Variants in MED13L observed in about 807,000 individuals in gnomAD.
The protein encoded by MED13L is mediator complex subunit 13L.
A neutral mutation model predicts 220.9 loss-of-function variants in MED13L; 7 were observed. That is an observed-to-expected ratio of 0.03 (90% confidence interval 0.02 to 0.06). MED13L has a LOEUF of 0.06. Among genes scored for constraint, MED13L ranks in the 10% least tolerant of loss-of-function variants. The pLI is 1.00. For missense variants in MED13L, 1,965 were observed against 2,760.5 expected (o/e 0.71, Z 6.46); for synonymous variants, 1,011 against 1,015.2 (o/e 1.00, Z 0.08).
intron 2 of MED13L, among the ~76,000 whole-genome samples, chr12:116,184,426 A>C (rs1339747593): frequency 6.6e-6 from 1 of 152,204 alleles, no homozygotes; most frequent in Non-Finnish European, 1.5e-5. Flanking sequence ...TGTTTAGCTA[A>C]GTGGCAACTA....
At chr12:116,157,958 G>A (rs1255729148) in intron 2 of MED13L, among the ~76,000 whole-genome samples, 3 of 152,190 alleles carry the variant, frequency 2.0e-5, no homozygotes, top group Non-Finnish European at 4.4e-5. Context: ...GGTGAGACCT[G>A]GCAGGATCAG....
chr12:116,075,392 C>T (rs573768208), intron 4 of MED13L, among the ~76,000 whole-genome samples: 94 of 152,292 alleles, frequency 6.2e-4, no homozygotes, highest in African/African-American at 2.1e-3. Context: ...TTTGCATAAA[C>T]GTCCTGCCCT....
intron 17 of MED13L, among the ~76,000 whole-genome samples, chr12:115,987,982 A>G (rs1484912802): frequency 6.6e-6 from 1 of 152,190 alleles, no homozygotes; most frequent in African/African-American, 2.4e-5. Context: ...ACGCTTGGAC[A>G]TACGTATTTT....
At chr12:116,105,323 T>C (rs1371382245) in intron 3 of MED13L, among the ~76,000 whole-genome samples, 3 of 152,190 alleles carry the variant, frequency 2.0e-5, no homozygotes, top group Middle Eastern at 3.4e-3. Context: ...GGAGGAAGGA[T>C]GGAAAGAAGT....
intron 4 of MED13L, among the ~76,000 whole-genome samples, chr12:116,071,027 CTAT>C (rs1870327428): frequency 1.3e-5 from 2 of 152,040 alleles, no homozygotes; most frequent in South Asian, 4.1e-4. Flanking sequence ...ATAAAATTTA[CTAT>C]TATTTTCAAA....
At chr12:116,237,343 A>G in intron 2 of MED13L, 125 bp downstream of exon 2, 5 of 801,316 alleles carry the variant, frequency 6.2e-6, no homozygotes, top group Non-Finnish European at 1.0e-5. Context: ...GTTCCTTTTG[A>G]GAGAGACATC....
chr12:116,270,924 C>A lies in MED13L; in HGVS notation c.72+6136G>T, dbSNP rs377542493. ...GGGCATAGTGGCGCGCGCCTGTAGT[C>A]CCAGCTACTCGGGAGGCTGAGGCAG... On this transcript the variant is annotated intron_variant, in intron 1 of 30. Transcript: ENST00000281928. Among the ~76,000 whole-genome samples, 2 of 151,174 alleles carry A rather than the reference C, an allele frequency of 1.3e-5. 1 individual carries two copies. The highest frequency in any genetic ancestry group is 4.2e-4 in the South Asian group (2 of 4,774).
At chr12:116,265,826 A>G (rs1269483683) in intron 1 of MED13L, among the ~76,000 whole-genome samples, 1 of 152,204 alleles carries the variant, frequency 6.6e-6, no homozygotes, top group African/African-American at 2.4e-5. Context: ...AAGATCCTCA[A>G]GAATAAAGAC....
At chr12:116,077,265 A>C (rs750362111) in intron 4 of MED13L, among the ~76,000 whole-genome samples, 14 of 152,244 alleles carry the variant, frequency 9.2e-5, no homozygotes, top group Non-Finnish European at 1.6e-4. Context: ...TTATCTTCAT[A>C]ATAATACTGA....
At chr12:116,035,560 A>G (rs1881134464) in intron 4 of MED13L, among the ~76,000 whole-genome samples, 1 of 152,088 alleles carries the variant, frequency 6.6e-6, no homozygotes, top group Non-Finnish European at 1.5e-5. Flanking sequence ...AAGGTCCAGT[A>G]AGTAACACTA....
intron 4 of MED13L, among the ~76,000 whole-genome samples, chr12:116,074,763 C>T (rs1565864209): frequency 6.6e-6 from 1 of 152,158 alleles, no homozygotes; most frequent in Non-Finnish European, 1.5e-5. Flanking sequence ...TTTGACAGCT[C>T]TAGAGGAAGG....
At chr12:116,032,525 G>A (rs1016128784) in intron 4 of MED13L, among the ~76,000 whole-genome samples, 1 of 152,094 alleles carries the variant, frequency 6.6e-6, no homozygotes, top group African/African-American at 2.4e-5. Flanking sequence ...TTTCTTCTCT[G>A]CATTCCAGCC....
chr12:116,253,456 C>G (rs912551611), intron 1 of MED13L, among the ~76,000 whole-genome samples: 1 of 151,948 alleles, frequency 6.6e-6, no homozygotes, highest in African/African-American at 2.4e-5. Context: ...TTTTATGACA[C>G]CAACATTAAC....
chr12:116,031,658 C>T (rs764702796), intron 4 of MED13L, among the ~76,000 whole-genome samples: 95 of 105,378 alleles, frequency 9.0e-4, no homozygotes, highest in African/African-American at 2.0e-3. Flanking sequence ...CGGGACGGGA[C>T]GGGACGGGAG....
chr12:116,005,134 G>T (rs1878971569), intron 13 of MED13L, among the ~76,000 whole-genome samples: 1 of 152,144 alleles, frequency 6.6e-6, no homozygotes, highest in African/African-American at 2.4e-5. Flanking sequence ...TGAATAGGGA[G>T]GTAGATAAGT....
rs1208672187 is a variant in MED13L at position 116,015,117 on chromosome 12, G to A, written c.1167C>T (p.Thr389=). Residue 389 remains threonine (T), a synonymous_variant, in exon 8 of 31, where the codon ACC becomes ACT. Coordinates refer to ENST00000281928, the MANE Select transcript of MED13L (RefSeq NM_015335.5). ...RVWKECILNR[T]QSKRSQMSTP... Reference sequence around the variant, plus strand: ...TAATCGAGAAAACTTACTTGGACTGGGTTCTGTTGAGGATGCATTCCTTCC... The same window carrying A: ...TAATCGAGAAAACTTACTTGGACTGAGTTCTGTTGAGGATGCATTCCTTCC... 1 of 1,613,412 alleles carries A rather than the reference G, an allele frequency of 6.2e-7. No homozygotes were observed. The highest frequency in any genetic ancestry group is 8.5e-7 in the Non-Finnish European group (1 of 1,179,484).
intron 4 of MED13L, among the ~76,000 whole-genome samples, chr12:116,095,153 A>C (rs1200707068): frequency 6.6e-6 from 1 of 152,180 alleles, no homozygotes; most frequent in Non-Finnish European, 1.5e-5. Context: ...ACAAAGCAAG[A>C]CCCTGTCTCA....
intron 23 of MED13L, 167 bp downstream of exon 23, chr12:115,980,583 G>A (rs986541145): frequency 2.4e-5 from 18 of 742,762 alleles, no homozygotes; most frequent in Middle Eastern, 3.7e-4. Context: ...CTCAGCCTCC[G>A]AAAGTGCTAA....
Position 116,082,215 on chromosome 12 carries a change from T to A in MED13L, c.479+14454A>T, listed in dbSNP as rs555476746. ...TTTCTTTATTTCATGTCAAACATTC[T>A]TATCTAGATCACTCTTTTCATTTCA... On this transcript the variant is annotated intron_variant, in intron 4 of 30. Coordinates refer to ENST00000281928, the MANE Select transcript of MED13L (RefSeq NM_015335.5). 1.8e-4 allele frequency among the ~76,000 whole-genome samples: 27 copies of A among 152,330 alleles called. 1 individual carries two copies. In the South Asian group the frequency reaches 5.6e-3, roughly 32 times the overall value.
Sources: allele counts gnomAD v4.1 joint callset (sites outside exome capture counted in the v4.1 genomes callset), GRCh38; gene constraint gnomAD v4.1.1; transcripts MANE v1.5; gene names NCBI Gene and HGNC (gene_info 2026-07-23, HGNC 2026-07-21).